Variants in POU3F3 observed in about 807,000 individuals in gnomAD.
The protein encoded by POU3F3 is POU class 3 homeobox 3.
POU3F3 carries 1 observed loss-of-function variant against 8.6 expected under a neutral mutation model. The ratio of observed to expected loss-of-function variants is 0.12; its 90% CI spans 0.04 to 0.55. The LOEUF (loss-of-function observed/expected upper bound fraction) is 0.55. Among genes scored for constraint, POU3F3 ranks in the 20% least tolerant of loss-of-function variants. POU3F3 has a pLI of 0.91. For missense variants in POU3F3, 577 were observed against 690.7 expected, an observed-to-expected ratio of 0.84 and a Z score of 1.84; for synonymous variants, 418 against 327.4, an observed-to-expected ratio of 1.28 and a Z score of -2.99.
At chr2:104,923,436 A>G in the POU3F3 span, among the ~76,000 whole-genome samples, 1 of 152,162 alleles carries the variant, frequency 6.6e-6, no homozygotes, top group Non-Finnish European at 1.5e-5. Context: ...TTTTTAATTG[A>G]AATTAAGCTG....
the POU3F3 span, among the ~76,000 whole-genome samples, chr2:104,864,785 A>G: frequency 2.6e-5 from 4 of 152,238 alleles, no homozygotes; most frequent in African/African-American, 4.8e-5. Context: ...AAAGAATGCT[A>G]AACAATATAA....
At chr2:104,889,340 T>C in the POU3F3 span, among the ~76,000 whole-genome samples, 1 of 152,024 alleles carries the variant, frequency 6.6e-6, no homozygotes, top group Admixed American at 6.5e-5. Context: ...GTCCTGCTAG[T>C]GCGGCTTCCC....
At chr2:104,922,982 T>C in the POU3F3 span, among the ~76,000 whole-genome samples, 1 of 152,158 alleles carries the variant, frequency 6.6e-6, no homozygotes, top group African/African-American at 2.4e-5. Flanking sequence ...GAAGGCAACA[T>C]GCTGATATAT....
At chr2:104,923,890 G>A in the POU3F3 span, among the ~76,000 whole-genome samples, 6 of 152,164 alleles carry the variant, frequency 3.9e-5, no homozygotes, top group Non-Finnish European at 7.4e-5. Flanking sequence ...AAACAAGGTA[G>A]TCACAAAAAG....
rs980212735 is a variant in POU3F3, at chr2:104,857,929, CG to C, written c.*919del. 6.6e-6 allele frequency: 1 copy of C among 152,004 alleles called. No homozygotes were observed. Among genetic ancestry groups the C allele is most frequent in the Non-Finnish European group, 1.5e-5 (1 of 67,946 alleles). 9.4% of individuals were successfully genotyped at this position (152,004 alleles called of 1,614,324 possible). ...GAGAGGCCCCGGCCGAGTCGGGTCGCGGGCGGGCGGGCGAACTGGGAGCAGA... is the reference window on the plus strand; with the variant it reads ...GAGAGGCCCCGGCCGAGTCGGGTCGCGGCGGGCGGGCGAACTGGGAGCAGA... On this transcript the variant is annotated 3_prime_UTR_variant, in exon 1 of 1. Coordinates refer to ENST00000361360, the MANE Select transcript of POU3F3 (RefSeq NM_006236.3).
the POU3F3 span, among the ~76,000 whole-genome samples, chr2:104,879,314 C>CCA: frequency 6.6e-6 from 1 of 152,000 alleles, no homozygotes; most frequent in Non-Finnish European, 1.5e-5. Context: ...GTCCGGGAGA[C>CCA]CAGCCCTGGC....
At chr2:104,893,206 AAAC>A in the POU3F3 span, among the ~76,000 whole-genome samples, 1 of 152,222 alleles carries the variant, frequency 6.6e-6, no homozygotes, top group Non-Finnish European at 1.5e-5. Context: ...ACTCTTCTGA[AAAC>A]AAAATAAACA....
At chr2:104,860,752 C>CTTTTTTTTTTTTTTTT (rs1178339577), downstream of POU3F3, among the ~76,000 whole-genome samples, 1 of 50,244 alleles carries the variant, frequency 2.0e-5, no homozygotes, top group African/African-American at 9.1e-5. Context: ...GTTGCTCTGC[C>CTTTTTTTTTTTTTTTT]TTTTTTTTTT....
the POU3F3 span, among the ~76,000 whole-genome samples, chr2:104,885,595 A>T: frequency 6.6e-6 from 1 of 152,204 alleles, no homozygotes; most frequent in African/African-American, 2.4e-5. Context: ...ATGACAATTT[A>T]CAAATGCCAT....
chr2:104,908,440 A>C, the POU3F3 span, among the ~76,000 whole-genome samples: 1 of 152,260 alleles, frequency 6.6e-6, no homozygotes, highest in African/African-American at 2.4e-5. Flanking sequence ...GAGTACAATC[A>C]TTCTTTAAGA....
the POU3F3 span, among the ~76,000 whole-genome samples, chr2:104,877,046 G>T: frequency 1.6e-5 from 2 of 127,518 alleles, no homozygotes; most frequent in South Asian, 4.7e-4. Flanking sequence ...CATGACTGTG[G>T]TATACACACA....
the POU3F3 span, among the ~76,000 whole-genome samples, chr2:104,894,010 A>G: frequency 7.1e-4 from 108 of 152,314 alleles, 2 homozygotes; most frequent in African/African-American, 2.3e-3. Flanking sequence ...GAAATTGCAT[A>G]AATATAGGAG....
At chr2:104,915,661 G>A in the POU3F3 span, among the ~76,000 whole-genome samples, 1 of 151,804 alleles carries the variant, frequency 6.6e-6, no homozygotes, top group Non-Finnish European at 1.5e-5. Context: ...CATAAGGGTG[G>A]TAGGGATCCC....
chr2:104,897,913 G>T, the POU3F3 span, among the ~76,000 whole-genome samples: 2 of 152,182 alleles, frequency 1.3e-5, no homozygotes, highest in African/African-American at 4.8e-5. Context: ...GATAAGCTTG[G>T]CTAGGTTCAA....
At position 104,856,001 on chromosome 2, in the gene POU3F3, T is replaced by G. The variant is rs1676557224; in HGVS notation, c.491T>G (p.Leu164Arg). Residue 164 changes from leucine to arginine, a missense_variant, in exon 1 of 1, where the codon CTG (leucine) becomes CGG (arginine). Transcript: ENST00000361360. ...GACGACCTGCACGCGGGCACAGCGC[T>G]GCACCACCGCGGGCCGCCGCACCTC... ...GRDDLHAGTA[L>R]HHRGPPHLGP... 2 of 985,056 alleles carry G rather than the reference T, an allele frequency of 2.0e-6. No homozygotes were observed. The highest frequency in any genetic ancestry group is 3.7e-5 in the African/African-American group (2 of 53,998). 61.0% of individuals were successfully genotyped at this position (985,056 alleles called of 1,614,324 possible).
At chr2:104,872,588 G>A in the POU3F3 span, 4 of 289,082 alleles carry the variant, frequency 1.4e-5, no homozygotes, top group South Asian at 8.5e-5. The surrounding 1 kb of genome is among the most constrained non-coding windows in gnomAD (Gnocchi z 4.6). Context: ...TGGTGGGGAC[G>A]CACTCGCTCT....
chr2:104,883,489 C>T, the POU3F3 span, among the ~76,000 whole-genome samples: 1 of 152,204 alleles, frequency 6.6e-6, no homozygotes, highest in Admixed American at 6.5e-5. Flanking sequence ...TCTGTGGGAG[C>T]TCTGTGCACA....
the POU3F3 span, among the ~76,000 whole-genome samples, chr2:104,917,896 A>G: frequency 6.6e-6 from 1 of 152,160 alleles, no homozygotes; most frequent in Admixed American, 6.5e-5. Flanking sequence ...AAGAGAAGGA[A>G]GAAAGATATA....
In POU3F3 at chr2:104,857,043, GCCGCCGCCGCCT is replaced by G. The variant is rs745813706; in HGVS notation, c.*35_*46del. 5.5e-5 allele frequency: 78 copies of G among 1,418,910 alleles called. No homozygotes were observed. Among genetic ancestry groups the G allele is most frequent in the East Asian group, 1.9e-4 (7 of 36,678 alleles). 87.9% of individuals were successfully genotyped at this position (1,418,910 alleles called of 1,614,324 possible). ...AGGGCGCAGAGCGAAGAGGGCCGCC[GCCGCCGCCGCCT>G]CCGCAGCCGCCGTCAGCACCGCCGC... On this transcript the variant is annotated 3_prime_UTR_variant, in exon 1 of 1. Transcript: ENST00000361360.
Sources: gnomAD v4.1 joint callset for allele counts (sites outside exome capture counted in the v4.1 genomes callset) on GRCh38, gnomAD v4.1.1 for gene constraint, Gnocchi (gnomAD v3.1) non-coding constraint, MANE v1.5 for transcripts, NCBI Gene and HGNC (gene_info 2026-07-23, HGNC 2026-07-21) for gene names.